Variants in MRTFB observed in about 807,000 individuals in gnomAD.
The protein encoded by MRTFB is myocardin-related transcription factor B.
A neutral mutation model predicts 104.2 loss-of-function variants in MRTFB; 29 were observed. The ratio of observed to expected loss-of-function variants is 0.28; its 90% CI spans 0.21 to 0.38. The LOEUF is 0.38. MRTFB is among the 10% of genes least tolerant of loss of function. The pLI is 1.00. For synonymous variants in MRTFB, 535 were observed against 519.5 expected, an observed-to-expected ratio of 1.03 and a Z score of -0.41; for missense variants, 1,270 against 1,341.6, an observed-to-expected ratio of 0.95 and a Z score of 0.83.
intron 9 of MRTFB, among the ~76,000 whole-genome samples, chr16:14,236,192 A>G (rs1015846865): frequency 1.3e-5 from 2 of 152,230 alleles, no homozygotes; most frequent in Non-Finnish European, 1.5e-5. Context: ...CCCTGCCTCA[A>G]AAGCAAATAA....
intron 2 of MRTFB, among the ~76,000 whole-genome samples, chr16:14,096,946 A>G (rs2035410051): frequency 6.6e-6 from 1 of 152,232 alleles, no homozygotes; most frequent in Non-Finnish European, 1.5e-5. Context: ...TTAGGTTTCA[A>G]GACATACCTC....
At chr16:14,044,402 C>T in the MRTFB span, among the ~76,000 whole-genome samples, 6 of 152,172 alleles carry the variant, frequency 3.9e-5, no homozygotes, top group African/African-American at 9.7e-5. Flanking sequence ...TTCATGGCGC[C>T]GATCTTCATT....
intron 1 of MRTFB, among the ~76,000 whole-genome samples, chr16:14,075,834 T>C (rs2034009839): frequency 6.6e-6 from 1 of 152,238 alleles, no homozygotes; most frequent in Admixed American, 6.5e-5. Flanking sequence ...AGAGAAAACT[T>C]AGACTCTGGT....
the MRTFB span, among the ~76,000 whole-genome samples, chr16:14,024,611 A>T: frequency 2.6e-4 from 39 of 152,354 alleles, no homozygotes; most frequent in South Asian, 8.1e-3. Flanking sequence ...ACGAAGAAGG[A>T]TGGCCATTGC....
In MRTFB at chr16:14,261,048, A is replaced by G. The variant is rs780860992; in HGVS notation, c.2904A>G (p.Leu968=). 6 of 1,614,106 alleles carry G rather than the reference A, an allele frequency of 3.7e-6. No individual in the cohort carries two copies. The African/African-American group carries it at 8.0e-5, about 22-fold the overall frequency. The change falls in exon 17 of 17, where the codon TTA becomes TTG. Residue 968 remains leucine, a synonymous_variant. Transcript: ENST00000571589. ...PQVQMAPPVS[L]EPMGSLSASL... ...TCCAAATGGCACCACCTGTATCTTTAGAACCTATGGGCAGTTTATCTGCCA... is the reference window on the plus strand; with the variant it reads ...TCCAAATGGCACCACCTGTATCTTTGGAACCTATGGGCAGTTTATCTGCCA...
At chr16:14,050,782 G>A in the MRTFB span, among the ~76,000 whole-genome samples, 1 of 152,024 alleles carries the variant, frequency 6.6e-6, no homozygotes. Flanking sequence ...AGATAACACA[G>A]CGTACTCCAG....
intron 8 of MRTFB, among the ~76,000 whole-genome samples, chr16:14,223,871 T>G (rs896740563): frequency 2.0e-5 from 3 of 152,224 alleles, no homozygotes; most frequent in Non-Finnish European, 2.9e-5. Context: ...CATGCTTTGC[T>G]TAACAACAAG....
the MRTFB span, among the ~76,000 whole-genome samples, chr16:14,021,865 G>T: frequency 6.6e-6 from 1 of 152,228 alleles, no homozygotes; most frequent in African/African-American, 2.4e-5. Flanking sequence ...GTTGCGAATC[G>T]TGCTGCTATA....
At chr16:14,102,080 G>T (rs1462103222) in intron 2 of MRTFB, among the ~76,000 whole-genome samples, 1 of 152,046 alleles carries the variant, frequency 6.6e-6, no homozygotes, top group Non-Finnish European at 1.5e-5. Context: ...TTTTCAAATG[G>T]CCATGAGGGC....
intron 2 of MRTFB, among the ~76,000 whole-genome samples, chr16:14,081,437 C>T (rs1258024432): frequency 2.0e-5 from 3 of 152,218 alleles, no homozygotes; most frequent in Middle Eastern, 3.4e-3. Context: ...GGATTACAGG[C>T]ATCCGCCATC....
At position 14,175,143 on chromosome 16, in the gene MRTFB, TA is replaced by T. The variant is rs200123645; in HGVS notation, c.154+34392del. Among the ~76,000 whole-genome samples, 48 of 151,462 alleles carry T rather than the reference TA, an allele frequency of 3.2e-4. 2 individuals are homozygous for T. In the East Asian group the frequency reaches 8.7e-3, roughly 27 times the overall value. ...GTTCCCACGAGTAACCTTGTGGGTT[TA>T]AAAAAAAACATATTTATTGAACTAT... On this transcript the variant is annotated intron_variant, in intron 3 of 16. Coordinates refer to ENST00000571589, the MANE Select transcript of MRTFB (RefSeq NM_001308142.2).
intron 2 of MRTFB, among the ~76,000 whole-genome samples, chr16:14,096,668 A>G (rs914567789): frequency 2.0e-5 from 3 of 152,206 alleles, no homozygotes; most frequent in African/African-American, 7.2e-5. Flanking sequence ...CTTCTGTAAA[A>G]TGTCACTTTC....
chr16:14,185,051 A>G (rs1327937348), intron 3 of MRTFB, among the ~76,000 whole-genome samples: 1 of 152,220 alleles, frequency 6.6e-6, no homozygotes, highest in Non-Finnish European at 1.5e-5. Context: ...TACTCCTTTA[A>G]AAGTGCATGA....
At chr16:14,186,725 A>T in intron 3 of MRTFB, 1 of 1,425,828 alleles carries the variant, frequency 7.0e-7, no homozygotes, top group Non-Finnish European at 9.1e-7. Context: ...GTGTATTTGC[A>T]GGTCAAGCTG....
the MRTFB span, among the ~76,000 whole-genome samples, chr16:14,028,542 A>C: frequency 3.9e-5 from 6 of 152,158 alleles, no homozygotes; most frequent in Non-Finnish European, 8.8e-5. Context: ...GGCACATTGC[A>C]CTGGGGACAT....
chr16:14,079,367 A>G lies in MRTFB; in HGVS notation c.-64+13A>G, dbSNP rs1216475827. On this transcript the variant is annotated intron_variant, in intron 2 of 16. Transcript: ENST00000571589. ...TATTCTTACCGAGGTAAGTTTTTTT[A>G]TAATTTTTTTTTAACAAAGAAACTG... 1 of 349,744 alleles carries G rather than the reference A, an allele frequency of 2.9e-6. No homozygotes were observed. Among genetic ancestry groups the G allele is most frequent in the Non-Finnish European group, 5.2e-6 (1 of 191,956 alleles). 21.7% of individuals were successfully genotyped at this position (349,744 alleles called of 1,614,324 possible).
Position 14,177,045 on chromosome 16 carries a change from A to G in MRTFB, c.155-33198A>G, listed in dbSNP as rs546486687. On this transcript the variant is annotated intron_variant, in intron 3 of 16. Transcript: ENST00000571589. The surrounding 1 kb of genome is among the most constrained non-coding windows in gnomAD (Gnocchi z 4.7). The stretch of plus-strand genomic sequence containing the variant: ...CCGTGGGCAGAGATAGGGAATAGGG[A>G]AATCCAGGAAGAAAAAACTTGTACA... 3.9e-5 allele frequency among the ~76,000 whole-genome samples: 6 copies of G among 152,330 alleles called. No homozygotes were observed. In the South Asian group the frequency reaches 1.0e-3, roughly 26 times the overall value.
chr16:14,217,307 CTA>C lies in MRTFB; in HGVS notation c.514+22_514+23del. On this transcript the variant is annotated intron_variant, in intron 7 of 16. Coordinates refer to ENST00000571589, the MANE Select transcript of MRTFB (RefSeq NM_001308142.2). ...TTATAGGCAAGACTCTAAAAATTTA[CTA>C]TTTGGGGTGAGAAAGAGAAACTTGG... 1 of 1,566,914 alleles carries C rather than the reference CTA, an allele frequency of 6.4e-7. No homozygotes were observed. Among genetic ancestry groups the C allele is most frequent in the South Asian group, 1.2e-5 (1 of 81,186 alleles).
At chr16:14,074,464 C>A (rs1190669370) in intron 1 of MRTFB, among the ~76,000 whole-genome samples, 1 of 152,082 alleles carries the variant, frequency 6.6e-6, no homozygotes, top group African/African-American at 2.4e-5. Flanking sequence ...TTGAGAGACA[C>A]AAATGTTAAC....
Sources: gnomAD v4.1 joint callset for allele counts (sites outside exome capture counted in the v4.1 genomes callset) on GRCh38, gnomAD v4.1.1 for gene constraint, Gnocchi (gnomAD v3.1) non-coding constraint, MANE v1.5 for transcripts, NCBI Gene and HGNC (gene_info 2026-07-23, HGNC 2026-07-21) for gene names.